Variants in PCM1 observed in about 807,000 individuals in gnomAD.
PCM1 encodes pericentriolar material 1.
A neutral mutation model predicts 241.9 loss-of-function variants in PCM1; 157 were observed. The ratio of observed to expected loss-of-function variants is 0.65; its 90% CI spans 0.57 to 0.74. The LOEUF is 0.74. Among genes scored for constraint, PCM1 ranks in the 30% least tolerant of loss-of-function variants. The probability of loss-of-function intolerance (pLI) is 0.00; values close to 1 mark genes in which losing one functional copy is unlikely to be tolerated. For synonymous variants in PCM1, 1,085 were observed against 784.9 expected (o/e 1.38, Z -6.39); for missense variants, 3,478 against 2,360.1 (o/e 1.47, Z -9.81).
chr8:17,929,674 C>T (rs1202132795), intron 2 of PCM1, among the ~76,000 whole-genome samples: 1 of 152,150 alleles, frequency 6.6e-6, no homozygotes, highest in Non-Finnish European at 1.5e-5. Flanking sequence ...TTCTTTATCG[C>T]CCGTGTTGTA....
At chr8:18,022,276 C>T (rs1398501666) in intron 36 of PCM1, among the ~76,000 whole-genome samples, 1 of 152,206 alleles carries the variant, frequency 6.6e-6, no homozygotes, top group Non-Finnish European at 1.5e-5. Flanking sequence ...GAAACGACTA[C>T]ATTTAAAACT....
At chr8:18,015,571 C>CCACATTTTCCAAATAAATACTTG (rs1335760327) in intron 36 of PCM1, 5 of 152,030 alleles carry the variant, frequency 3.3e-5, no homozygotes, top group Non-Finnish European at 7.4e-5. Flanking sequence ...TATTTTACTT[C>CCACATTTTCCAAATAAATACTTG]CACATTTTCC....
chr8:17,991,443 C>A, intron 27 of PCM1, 99 bp from the exon 28 acceptor site: 1 of 958,834 alleles, frequency 1.0e-6, no homozygotes, highest in Non-Finnish European at 1.5e-6. Context: ...GCTAATTTTC[C>A]TCCCTTTTGT....
intron 2 of PCM1, among the ~76,000 whole-genome samples, chr8:17,929,519 T>A (rs1437174127): frequency 6.6e-6 from 1 of 152,234 alleles, no homozygotes; most frequent in Non-Finnish European, 1.5e-5. Context: ...AAACTCTCCA[T>A]TTCTAAAACT....
chr8:17,939,037 T>C (rs1563708811), intron 5 of PCM1, 28 bp downstream of exon 5: 2 of 1,608,370 alleles, frequency 1.2e-6, no homozygotes, highest in East Asian at 2.2e-5. Context: ...TTTTGCTCAT[T>C]CTTTACACAA....
chr8:17,991,160 G>A (rs949296107), intron 27 of PCM1, among the ~76,000 whole-genome samples: 4 of 151,650 alleles, frequency 2.6e-5, no homozygotes, highest in African/African-American at 4.9e-5. Context: ...TTTAGGTTGC[G>A]TTGTTTTCAT....
At chr8:17,972,010 G>GCTGGA (rs2077024543) in intron 22 of PCM1, among the ~76,000 whole-genome samples, 1 of 152,158 alleles carries the variant, frequency 6.6e-6, no homozygotes, top group African/African-American at 2.4e-5. Context: ...CTTCCAAAGT[G>GCTGGA]CTGGAGTTAC....
chr8:17,950,734 A>G lies in PCM1; in HGVS notation c.1071+10A>G, dbSNP rs1363188111. 1 of 1,412,956 alleles carries G rather than the reference A, an allele frequency of 7.1e-7. No individual in the cohort carries two copies. The highest frequency in any genetic ancestry group is 1.2e-5 in the South Asian group (1 of 82,296). 87.5% of individuals were successfully genotyped at this position (1,412,956 alleles called of 1,614,324 possible). On this transcript the variant is annotated intron_variant, in intron 8 of 38. Coordinates refer to ENST00000325083, the MANE Select transcript of PCM1 (RefSeq NM_006197.4). The stretch of plus-strand genomic sequence containing the variant: ...GCTTCGTGATTCTCAGGTAACCTAG[A>G]TGTTTTAGTATAGTTGAGTTTAAAA...
Position 17,960,456 on chromosome 8 carries a change from A to C in PCM1, c.2322+12A>C, listed in dbSNP as rs757161184. The C allele has an allele frequency of 1.3e-6, 2 of 1,568,738 alleles. No individual in the cohort carries two copies. Among genetic ancestry groups the C allele is most frequent in the South Asian group, 2.4e-5 (2 of 83,426 alleles). ...GCCCTGACTTACAGGTAATTATGAAATTTATTTCTAATTGTCTGAAAAAAG... is the reference window on the plus strand; with the variant it reads ...GCCCTGACTTACAGGTAATTATGAACTTTATTTCTAATTGTCTGAAAAAAG... On this transcript the variant is annotated intron_variant, in intron 15 of 38. Transcript: ENST00000325083.
At position 18,010,746 on chromosome 8, in the gene PCM1, G is replaced by T. The variant is rs557370568; in HGVS notation, c.5220+78G>T. 2.6e-5 allele frequency: 25 copies of T among 944,814 alleles called. No individual in the cohort carries two copies. In the Middle Eastern group the frequency reaches 9.3e-4, roughly 35 times the overall value. 58.5% of individuals were successfully genotyped at this position (944,814 alleles called of 1,614,324 possible). A position where few individuals can be genotyped will look rare whatever the true frequency, so the allele number is the denominator to read the frequency against. On this transcript the variant is annotated intron_variant, in intron 32 of 38. Transcript: ENST00000325083. ...CCCCGTAATCGCAGCCCTTTGGGAG[G>T]CCAAGGCGGGTGGATCACGAGGTCA... is the stretch of plus-strand genomic sequence containing the variant.
chr8:18,027,875 T>TCC lies in PCM1; in HGVS notation c.*217_*218dup. 1 of 381,794 alleles carries TCC rather than the reference T, an allele frequency of 2.6e-6. No individual in the cohort carries two copies. The highest frequency in any genetic ancestry group is 1.5e-4 in the South Asian group (1 of 6,880). 23.7% of individuals were successfully genotyped at this position (381,794 alleles called of 1,614,324 possible). On this transcript the variant is annotated 3_prime_UTR_variant, in exon 39 of 39. Coordinates refer to ENST00000325083, the MANE Select transcript of PCM1 (RefSeq NM_006197.4). ...TTGACACACTGTGTTTTTTTTTTTTTCCCCCTTCTTTTTTGGGTCTTCATT... is the reference window on the plus strand; with the variant it reads ...TTGACACACTGTGTTTTTTTTTTTTTCCCCCCCTTCTTTTTTGGGTCTTCATT...
chr8:17,939,651 T>C, intron 5 of PCM1, 40 bp from the exon 6 acceptor site: 1 of 1,249,348 alleles, frequency 8.0e-7, no homozygotes, highest in Non-Finnish European at 1.1e-6. Flanking sequence ...ATATATTGTG[T>C]ACTTTCATGC....
intron 2 of PCM1, among the ~76,000 whole-genome samples, chr8:17,935,139 T>A (rs909097683): frequency 1.3e-5 from 2 of 152,314 alleles, no homozygotes; most frequent in East Asian, 3.9e-4. Context: ...TGCAGAGCAG[T>A]TCTCCCGTCT....
At chr8:17,988,191 C>G (rs1022278074) in intron 26 of PCM1, among the ~76,000 whole-genome samples, 5 of 134,490 alleles carry the variant, frequency 3.7e-5, no homozygotes, top group Non-Finnish European at 5.2e-5. Flanking sequence ...CACATCAAGT[C>G]TTACTTGAAA....
intron 13 of PCM1, among the ~76,000 whole-genome samples, chr8:17,958,774 T>G (rs1210283716): frequency 6.6e-6 from 1 of 152,106 alleles, no homozygotes; most frequent in Non-Finnish European, 1.5e-5. Context: ...CAGGTTGGAG[T>G]GCAGTGGCAT....
rs750738311 is a variant in PCM1, at chr8:17,956,772, C to T, written c.1641C>T (p.Asn547=). The change falls in exon 11 of 39, where the codon AAC becomes AAT. Residue 547 remains asparagine (N), a synonymous_variant. Transcript: ENST00000325083. The part of the protein sequence containing the change: ...SEHENSEPVT[N]IRNPQVASTW... Reference sequence around the variant, plus strand: ...ATGAAAATTCCGAGCCTGTTACTAACATTCGGTAAGAACTTTTCTGGGGAT... The same window carrying T: ...ATGAAAATTCCGAGCCTGTTACTAATATTCGGTAAGAACTTTTCTGGGGAT... 3 of 1,605,352 alleles carry T rather than the reference C, an allele frequency of 1.9e-6. No individual in the cohort carries two copies. The highest frequency in any genetic ancestry group is 1.1e-5 in the South Asian group (1 of 89,758).
intron 7 of PCM1, among the ~76,000 whole-genome samples, chr8:17,948,930 T>C (rs1373533842): frequency 6.6e-6 from 1 of 152,184 alleles, no homozygotes; most frequent in Non-Finnish European, 1.5e-5. Flanking sequence ...GAGCTTTAAT[T>C]CTTATTTCTG....
chr8:17,939,687 G>C lies in PCM1; in HGVS notation c.613-4G>C. 6.7e-7 allele frequency: 1 copy of C among 1,494,898 alleles called. No individual in the cohort carries two copies. Among genetic ancestry groups the C allele is most frequent in the Non-Finnish European group, 9.0e-7 (1 of 1,115,380 alleles). The allele number at this position is 1,494,898 out of a possible 1,614,324, so 92.6% of individuals were successfully genotyped here. A position where few individuals can be genotyped will look rare whatever the true frequency, so the allele number is the denominator to read the frequency against. ...TTTTTTTAAAAAAAATATTTCCCCT[G>C]CAGATTGTAAGCAGGCTTGTTCAAA... On this transcript the variant is annotated splice_polypyrimidine_tract_variant and splice_region_variant and intron_variant, in intron 5 of 38. Coordinates refer to ENST00000325083, the MANE Select transcript of PCM1 (RefSeq NM_006197.4).
rs1389999381 is a variant in PCM1 at position 17,991,709 on chromosome 8, T to G, written c.4690+9T>G. The stretch of plus-strand genomic sequence containing the variant: ...AGTTAATAATTTAGAAGGTATATAT[T>G]TTTGTTTTCGGTAGGTTTTTGGAGA... On this transcript the variant is annotated intron_variant, in intron 28 of 38. Transcript: ENST00000325083. 6.5e-7 allele frequency: 1 copy of G among 1,538,698 alleles called. No homozygotes were observed. The highest frequency in any genetic ancestry group is 2.0e-5 in the Admixed American group (1 of 48,822).
Sources: allele counts gnomAD v4.1 joint callset (sites outside exome capture counted in the v4.1 genomes callset), GRCh38; gene constraint gnomAD v4.1.1; transcripts MANE v1.5; gene names NCBI Gene and HGNC (gene_info 2026-07-23, HGNC 2026-07-21).